TMEM67: variants seen among roughly 807,000 people sequenced by gnomAD.
The protein encoded by TMEM67 is meckelin.
Under a neutral mutation model 136.6 loss-of-function variants are expected in TMEM67, and 124 were observed. The ratio of observed to expected loss-of-function variants is 0.91; its 90% CI spans 0.78 to 1.05. The LOEUF is 1.05. Among genes scored for constraint, TMEM67 ranks in the 50% least tolerant of loss-of-function variants. The probability of loss-of-function intolerance (pLI) is 0.00; values close to 1 mark genes in which losing one functional copy is unlikely to be tolerated. For missense variants in TMEM67, 1,107 were observed against 1,178.4 expected (o/e 0.94, Z 0.89); for synonymous variants, 364 against 390.5 (o/e 0.93, Z 0.80).
chr8:93,807,624 T>C (rs1398849419), intron 23 of TMEM67, among the ~76,000 whole-genome samples: 1 of 152,118 alleles, frequency 6.6e-6, no homozygotes, highest in Admixed American at 6.5e-5. Context: ...TTTTATTTTC[T>C]TTTTTGTATT....
intron 23 of TMEM67, among the ~76,000 whole-genome samples, chr8:93,808,195 A>AAT (rs981017219): frequency 3.5e-4 from 52 of 148,024 alleles, no homozygotes; most frequent in Middle Eastern, 3.9e-3. Context: ...GTTCTACTTA[A>AAT]ATATATATAT....
At chr8:93,778,337 C>T (rs1396696130) in intron 7 of TMEM67, among the ~76,000 whole-genome samples, 1 of 152,148 alleles carries the variant, frequency 6.6e-6, no homozygotes, top group African/African-American at 2.4e-5. Flanking sequence ...TTAATTGGAG[C>T]ATTTAGCCCA....
intron 3 of TMEM67, 139 bp downstream of exon 3, chr8:93,758,715 A>C (rs1812689577): frequency 4.1e-6 from 3 of 724,808 alleles, no homozygotes; most frequent in Non-Finnish European, 7.2e-6. Flanking sequence ...CTCCTGCCTC[A>C]GCTTCCTGAG....
At position 93,804,836 on chromosome 8, in the gene TMEM67, T is replaced by C. The variant is rs117195541; in HGVS notation, c.2397T>C (p.Asp799=). The change falls in exon 23 of 28, where the codon GAT becomes GAC. Residue 799 remains aspartate (D), a synonymous_variant. Transcript: ENST00000453321. ...IHGRSVHGHA[D]TNMEEMNMNL... is the part of the protein sequence containing the mutation. ...GTAGATCAGTACATGGGCATGCAGA[T>C]ACTAATATGGAAGAAATGAATATGA... 26,433 of 1,604,908 alleles carry C rather than the reference T, an allele frequency of 0.016. 275 individuals carry two copies. The highest frequency in any genetic ancestry group is 0.022 in the South Asian group (2,042 of 90,868).
intron 17 of TMEM67, 120 bp downstream of exon 17, chr8:93,795,627 C>A: frequency 2.4e-6 from 2 of 849,484 alleles, no homozygotes; most frequent in East Asian, 2.5e-5. Flanking sequence ...GAAAAGTTCC[C>A]AACTCCCCAT....
chr8:93,762,497 T>C (rs1005319819), intron 3 of TMEM67, among the ~76,000 whole-genome samples: 1 of 152,016 alleles, frequency 6.6e-6, no homozygotes, highest in African/African-American at 2.4e-5. Flanking sequence ...ATGCCTGGTC[T>C]TATTTTTTCA....
chr8:93,782,876 G>A (rs938611705), intron 11 of TMEM67, among the ~76,000 whole-genome samples: 4 of 151,840 alleles, frequency 2.6e-5, no homozygotes, highest in Non-Finnish European at 2.9e-5. Context: ...TGCCTGGCCG[G>A]AAATGTTTTT....
chr8:93,765,589 C>G lies in TMEM67; in HGVS notation c.594C>G (p.Phe198Leu). The change falls in exon 6 of 28, where the codon TTC becomes TTG. Residue 198 changes from phenylalanine to leucine, a missense_variant. By Grantham distance (22) the Phe-to-Leu change is conservative. Transcript: ENST00000453321. ...EPNILTGGLCFSSTGNFPLRR... is the reference protein window; with the variant it reads ...EPNILTGGLCLSSTGNFPLRR... The stretch of plus-strand genomic sequence containing the variant: ...TTATGAAGACAGGGGGATTATGTTT[C>G]AGCAGCACAGGGAATTTTCCTCTAC... The G allele has an allele frequency of 6.2e-7, 1 of 1,612,850 alleles. No individual in the cohort carries two copies. The highest frequency in any genetic ancestry group is 8.5e-7 in the Non-Finnish European group (1 of 1,178,908).
At chr8:93,757,766 A>ATT (rs202040147) in intron 2 of TMEM67, among the ~76,000 whole-genome samples, 3 of 145,100 alleles carry the variant, frequency 2.1e-5, no homozygotes, top group African/African-American at 5.1e-5. Context: ...TCATAAATGA[A>ATT]TTTTTTTTTT....
At chr8:93,772,746 TAGCTTCTTGGTCATAATCTTATAA>T in intron 7 of TMEM67, 95 bp downstream of exon 7, 1 of 883,922 alleles carries the variant, frequency 1.1e-6, no homozygotes, top group Non-Finnish European at 1.8e-6. Context: ...TAAGTAGCTA[TAGCTTCTTGGTCATAATCTTATAA>T]GAAGAATAAA....
In TMEM67 at chr8:93,787,911, G is replaced by A. The variant is rs1337079494; in HGVS notation, c.1480G>A (p.Asp494Asn). The change falls in exon 14 of 28, where the codon GAC (aspartate) becomes AAC (asparagine). Residue 494 changes from aspartate to asparagine, a missense_variant. Asp to Asn is a conservative substitution (Grantham distance 23, BLOSUM62 1). This residue lies in a region of TMEM67 where 925 missense variants were observed against 1,002.4 expected (regional missense o/e 0.92). Coordinates refer to ENST00000453321, the MANE Select transcript of TMEM67 (RefSeq NM_153704.6). ...YPPLITIAYS[D>N]IDIKDANSQS... is the part of the protein sequence containing the mutation. ...TCCCTTAATCACCATTGCCTACAGT[G>A]ACATTGATATCAAAGATGCCAACAG... The A allele has an allele frequency of 6.2e-7, 1 of 1,613,990 alleles. No homozygotes were observed. Among genetic ancestry groups the A allele is most frequent in the South Asian group, 1.1e-5 (1 of 91,082 alleles).
chr8:93,802,474 C>G (rs1814910237), intron 21 of TMEM67, among the ~76,000 whole-genome samples: 1 of 152,370 alleles, frequency 6.6e-6, no homozygotes, highest in Non-Finnish European at 1.5e-5. Context: ...ACACCACCAT[C>G]TAACTTCATT....
At chr8:93,814,561 G>T (rs961329686) in intron 26 of TMEM67, among the ~76,000 whole-genome samples, 27 of 151,484 alleles carry the variant, frequency 1.8e-4, no homozygotes, top group African/African-American at 6.5e-4. Flanking sequence ...CAAACTCCTT[G>T]GTTCATGCAG....
chr8:93,801,977 A>G (rs1814890451), intron 21 of TMEM67, among the ~76,000 whole-genome samples: 1 of 152,254 alleles, frequency 6.6e-6, no homozygotes, highest in Non-Finnish European at 1.5e-5. Context: ...TTTTGTGAGT[A>G]TATCAGATTC....
At chr8:93,819,100 G>A (rs1412443386), downstream of TMEM67, 2 of 453,286 alleles carry the variant, frequency 4.4e-6, no homozygotes, top group African/African-American at 4.0e-5. Context: ...ACTACACATG[G>A]CCAGGATTAG....
intron 1 of TMEM67, among the ~76,000 whole-genome samples, chr8:93,755,514 T>C (rs1234871765): frequency 6.6e-6 from 1 of 152,160 alleles, no homozygotes; most frequent in African/African-American, 2.4e-5. Flanking sequence ...CAATTTTTTT[T>C]CTCCATTTTA....
chr8:93,770,902 C>A (rs1002945004), intron 6 of TMEM67, among the ~76,000 whole-genome samples: 3 of 151,946 alleles, frequency 2.0e-5, no homozygotes, highest in Non-Finnish European at 2.9e-5. Flanking sequence ...GTAACCCCAG[C>A]TACTCAGGAG....
chr8:93,816,361 TAA>T lies in TMEM67; in HGVS notation c.2908-10_2908-9del. On this transcript the variant is annotated splice_polypyrimidine_tract_variant and intron_variant, in intron 27 of 27. Transcript: ENST00000453321. ...TATTTCTTTTCATTCTGAATTGTTTTAATTTTCCAGATTTTTAGATATATCCG... is the reference window on the plus strand; with the variant it reads ...TATTTCTTTTCATTCTGAATTGTTTTTTTTCCAGATTTTTAGATATATCCG... 7.2e-7 allele frequency: 1 copy of T among 1,393,162 alleles called. No individual in the cohort carries two copies. Among genetic ancestry groups the T allele is most frequent in the Non-Finnish European group, 1.0e-6 (1 of 993,276 alleles). The allele number at this position is 1,393,162 out of a possible 1,614,324, so 86.3% of individuals were successfully genotyped here.
chr8:93,783,562 A>G (rs529833190), intron 11 of TMEM67, among the ~76,000 whole-genome samples: 2 of 152,262 alleles, frequency 1.3e-5, no homozygotes, highest in Admixed American at 1.3e-4. Context: ...TTATTTTACT[A>G]AGGAATATTA....
Sources: allele counts gnomAD v4.1 joint callset (sites outside exome capture counted in the v4.1 genomes callset), GRCh38; gene constraint gnomAD v4.1.1; regional missense constraint gnomAD v4.1.1; transcripts MANE v1.5; gene names NCBI Gene and HGNC (gene_info 2026-07-23, HGNC 2026-07-21).